Variants in ALDH3A2 observed in about 807,000 individuals in gnomAD.
ALDH3A2 encodes the protein aldehyde dehydrogenase 3 family member A2, also known as aldehyde dehydrogenase family 3 member A2.
A neutral mutation model predicts 51.3 loss-of-function variants in ALDH3A2; 36 were observed. That is an observed-to-expected ratio of 0.70 (90% CI 0.54 to 0.93). The LOEUF (loss-of-function observed/expected upper bound fraction) is 0.93, where lower values mean the gene tolerates loss of function less well. Ranked by LOEUF, ALDH3A2 falls within the 40% of genes least tolerant of loss-of-function variation. ALDH3A2 has a pLI of 0.00. For missense variants in ALDH3A2, 552 were observed against 603.1 expected (o/e 0.92, Z 0.89); for synonymous variants, 199 against 219.8 (o/e 0.91, Z 0.84).
intron 8 of ALDH3A2, among the ~76,000 whole-genome samples, chr17:19,666,526 C>T (rs1275877352): frequency 1.2e-4 from 19 of 152,146 alleles, no homozygotes; most frequent in Admixed American, 1.1e-3. Context: ...CCTGTAATCC[C>T]AGCACTTTGG....
intron 1 of ALDH3A2, among the ~76,000 whole-genome samples, chr17:19,650,282 AC>A (rs1460848904): frequency 4.1e-5 from 6 of 146,836 alleles, no homozygotes; most frequent in Non-Finnish European, 9.0e-5. Flanking sequence ...TAATATTGTT[AC>A]TTTTTTTTTT....
chr17:19,648,766 C>G lies in ALDH3A2; in HGVS notation c.-206C>G. The G allele has an allele frequency of 1.5e-6, 1 of 671,226 alleles. No individual in the cohort carries two copies. Among genetic ancestry groups the G allele is most frequent in the Non-Finnish European group, 2.5e-6 (1 of 397,752 alleles). The allele number at this position is 671,226 out of a possible 1,614,324, so 41.6% of individuals were successfully genotyped here. A position where few individuals can be genotyped will look rare whatever the true frequency, so the allele number is the denominator to read the frequency against. ...GGTCGAGCTCAGTCCTCCCCCGGCG[C>G]CTCCGACTGGCAGTGGGACTCAGCG... On this transcript the variant is annotated 5_prime_UTR_variant, in exon 1 of 10. Transcript: ENST00000176643.
intron 8 of ALDH3A2, 126 bp from the exon 9 acceptor site, chr17:19,671,595 G>A: frequency 1.2e-6 from 1 of 826,238 alleles, no homozygotes; most frequent in Non-Finnish European, 2.1e-6. Context: ...TACTTCAGCT[G>A]GCAGAGATGT....
intron 1 of ALDH3A2, 42 bp from the exon 2 acceptor site, chr17:19,651,505 C>T: frequency 6.6e-7 from 1 of 1,522,786 alleles, no homozygotes; most frequent in Non-Finnish European, 9.1e-7. Flanking sequence ...CCAAGTGTAT[C>T]ATACTTACTC....
At chr17:19,657,897 AAT>A (rs1377387993) in intron 5 of ALDH3A2, 35 bp downstream of exon 5, 1 of 1,506,382 alleles carries the variant, frequency 6.6e-7, no homozygotes, top group Admixed American at 1.7e-5. Flanking sequence ...CACTGATTTT[AAT>A]AAGATAAGGA....
chr17:19,653,045 TAC>T (rs1745777963), intron 3 of ALDH3A2, among the ~76,000 whole-genome samples: 1 of 151,524 alleles, frequency 6.6e-6, no homozygotes, highest in African/African-American at 2.4e-5. Flanking sequence ...TATATAAGAG[TAC>T]TTTTTTTTTT....
In ALDH3A2 at chr17:19,677,338, A is replaced by G. The variant is rs189549518; in HGVS notation, c.*1766A>G. On this transcript the variant is annotated 3_prime_UTR_variant, in exon 10 of 10. Transcript: ENST00000176643. ...ATTAATAACGAGCCTAGTTTAGGAA[A>G]AAGCTGCTTAAAACTGTGGCTCTAA... 1 of 152,364 alleles carries G rather than the reference A, an allele frequency of 6.6e-6. No individual in the cohort carries two copies. Among genetic ancestry groups the G allele is most frequent in the Admixed American group, 6.5e-5 (1 of 15,306 alleles). The allele number at this position is 152,364 out of a possible 1,614,324, so 9.4% of individuals were successfully genotyped here. A position where few individuals can be genotyped will look rare whatever the true frequency, so the allele number is the denominator to read the frequency against.
At chr17:19,669,254 G>C (rs970298442) in intron 8 of ALDH3A2, among the ~76,000 whole-genome samples, 4 of 151,718 alleles carry the variant, frequency 2.6e-5, no homozygotes, top group Non-Finnish European at 4.4e-5. Context: ...AGTGAGCCAA[G>C]ATCATGCCAC....
At position 19,675,574 on chromosome 17, in the gene ALDH3A2, G is replaced by A; in HGVS notation, c.*2G>A. The A allele has an allele frequency of 6.2e-7, 1 of 1,613,586 alleles. No homozygotes were observed. On this transcript the variant is annotated 3_prime_UTR_variant, in exon 10 of 10. Coordinates refer to ENST00000176643, the MANE Select transcript of ALDH3A2 (RefSeq NM_000382.3). ...TCTCTCCAGGCAGAATATTACTGAA[G>A]AATGATCCTGTTCAACCTCCTAGTG...
In ALDH3A2 at chr17:19,676,769, C is replaced by T. The variant is rs2085196537; in HGVS notation, c.*1197C>T. 6.6e-6 allele frequency: 1 copy of T among 152,212 alleles called. No individual in the cohort carries two copies. The highest frequency in any genetic ancestry group is 2.1e-4 in the South Asian group (1 of 4,826). The allele number at this position is 152,212 out of a possible 1,614,324, so 9.4% of individuals were successfully genotyped here. A position where few individuals can be genotyped will look rare whatever the true frequency, so the allele number is the denominator to read the frequency against. On this transcript the variant is annotated 3_prime_UTR_variant, in exon 10 of 10. Coordinates refer to ENST00000176643, the MANE Select transcript of ALDH3A2 (RefSeq NM_000382.3). ...GGACAAATCTGTAAGTTTCTTATTT[C>T]TGTAGTGCAAGTAAAATTTCACTTT... is the stretch of plus-strand genomic sequence containing the variant.
rs1266782186 is a variant in ALDH3A2, at chr17:19,675,923, C to T, written c.*351C>T. 1.5e-5 allele frequency: 5 copies of T among 344,194 alleles called. No homozygotes were observed. The highest frequency in any genetic ancestry group is 2.2e-5 in the Non-Finnish European group (4 of 181,720). The allele number at this position is 344,194 out of a possible 1,614,324, so 21.3% of individuals were successfully genotyped here. A position where few individuals can be genotyped will look rare whatever the true frequency, so the allele number is the denominator to read the frequency against. ...TCACTCCAGTTAATGGCACTGCTCA[C>T]TTCCTGCCTCTGCTGCCACCATCAC... On this transcript the variant is annotated 3_prime_UTR_variant, in exon 10 of 10. Transcript: ENST00000176643.
At chr17:19,653,240 T>C (rs1370624098) in intron 3 of ALDH3A2, among the ~76,000 whole-genome samples, 1 of 152,016 alleles carries the variant, frequency 6.6e-6, no homozygotes, top group Non-Finnish European at 1.5e-5. Context: ...CGATGGGGTT[T>C]CACCGTGTTG....
intron 3 of ALDH3A2, among the ~76,000 whole-genome samples, chr17:19,652,914 A>G (rs1483735044): frequency 6.6e-6 from 1 of 152,180 alleles, no homozygotes; most frequent in African/African-American, 2.4e-5. Flanking sequence ...TTGAGCTAAC[A>G]TGATTTTAGG....
rs376485655 is a variant in ALDH3A2, at chr17:19,671,691, A to C, written c.1208-30A>C. On this transcript the variant is annotated intron_variant, in intron 8 of 9. Coordinates refer to ENST00000176643, the MANE Select transcript of ALDH3A2 (RefSeq NM_000382.3). ...AAGTAGCTTGCATCATCTACAGTGA[A>C]GCTTGTTTTGTCTGTTCCCTTTATT... is the stretch of plus-strand genomic sequence containing the variant. 5.9e-5 allele frequency: 94 copies of C among 1,585,214 alleles called. No individual in the cohort carries two copies. Among genetic ancestry groups the C allele is most frequent in the Middle Eastern group, 3.3e-4 (2 of 6,038 alleles).
Position 19,671,708 on chromosome 17 carries a change from C to T in ALDH3A2, c.1208-13C>T, listed in dbSNP as rs958095793. On this transcript the variant is annotated splice_polypyrimidine_tract_variant and intron_variant, in intron 8 of 9. Coordinates refer to ENST00000176643, the MANE Select transcript of ALDH3A2 (RefSeq NM_000382.3). Reference sequence around the variant, plus strand: ...TACAGTGAAGCTTGTTTTGTCTGTTCCCTTTATTTCAGGTTCCAGTGGGAT... The same window carrying T: ...TACAGTGAAGCTTGTTTTGTCTGTTTCCTTTATTTCAGGTTCCAGTGGGAT... 2.5e-6 allele frequency: 4 copies of T among 1,606,080 alleles called. No homozygotes were observed. The highest frequency in any genetic ancestry group is 2.7e-5 in the African/African-American group (2 of 74,732).
chr17:19,654,729 G>A lies in ALDH3A2; in HGVS notation c.472-1637G>A, dbSNP rs575803557. Among the ~76,000 whole-genome samples the A allele has an allele frequency of 1.8e-4, 28 of 152,098 alleles. No individual in the cohort carries two copies. The highest frequency in any genetic ancestry group is 3.9e-4 in the East Asian group (2 of 5,102). On this transcript the variant is annotated intron_variant, in intron 3 of 9. Coordinates refer to ENST00000176643, the MANE Select transcript of ALDH3A2 (RefSeq NM_000382.3). The surrounding 1 kb of genome is among the most constrained non-coding windows in gnomAD (Gnocchi z 4.5). ...CACCTTCCCACAAGCAGAAGGAGCC[G>A]GCTCCAGCCTTGGCCAGCCCAGAGA...
chr17:19,656,488 C>G lies in ALDH3A2; in HGVS notation c.594C>G (p.Ala198=), dbSNP rs748735361. The G allele has an allele frequency of 1.2e-6, 2 of 1,614,158 alleles. No individual in the cohort carries two copies. The highest frequency in any genetic ancestry group is 2.2e-5 in the South Asian group (2 of 91,072). Residue 198 remains alanine, a synonymous_variant, in exon 4 of 10, where the codon GCC becomes GCG. Coordinates refer to ENST00000176643, the MANE Select transcript of ALDH3A2 (RefSeq NM_000382.3). Reference sequence around the variant, plus strand: ...GCAAAATTGTCATGGAAGCTGCTGCCAAGCATCTGACCCCTGTGACTCTTG... The same window carrying G: ...GCAAAATTGTCATGGAAGCTGCTGCGAAGCATCTGACCCCTGTGACTCTTG... The part of the protein sequence containing the change: ...AVGKIVMEAA[A]KHLTPVTLEL...
chr17:19,658,687 G>A (rs1264887337), intron 5 of ALDH3A2, among the ~76,000 whole-genome samples: 1 of 151,312 alleles, frequency 6.6e-6, no homozygotes. Flanking sequence ...GGCAAAGGTT[G>A]CAGTGAGCCA....
At chr17:19,664,879 T>C in intron 7 of ALDH3A2, 69 bp from the exon 8 acceptor site, 1 of 1,051,940 alleles carries the variant, frequency 9.5e-7, no homozygotes, top group Admixed American at 1.7e-5. Flanking sequence ...CAGCCCTCTG[T>C]GTGGTGGGGC....
Sources: gnomAD v4.1 joint callset for allele counts (sites outside exome capture counted in the v4.1 genomes callset) on GRCh38, gnomAD v4.1.1 for gene constraint, Gnocchi (gnomAD v3.1) non-coding constraint, MANE v1.5 for transcripts, NCBI Gene and HGNC (gene_info 2026-07-23, HGNC 2026-07-21) for gene names.